CACNA1B: variants seen among roughly 807,000 people sequenced by gnomAD.
CACNA1B encodes the protein voltage-dependent N-type calcium channel subunit alpha-1B.
Under a neutral mutation model 247.2 loss-of-function variants are expected in CACNA1B, and 70 were observed. The observed-to-expected ratio is 0.28, with a 90% CI of 0.23 to 0.35. CACNA1B has a LOEUF of 0.35. Ranked by LOEUF, CACNA1B falls within the 10% of genes least tolerant of loss-of-function variation. CACNA1B has a pLI of 1.00. For synonymous variants in CACNA1B, 1,231 were observed against 1,294.4 expected (o/e 0.95, Z 1.05); for missense variants, 2,367 against 3,197.4 (o/e 0.74, Z 6.26).
Position 138,023,696 on chromosome 9 carries a change from G to T in CACNA1B, c.2953G>T (p.Ala985Ser). 1.3e-6 allele frequency: 2 copies of T among 1,539,088 alleles called. No individual in the cohort carries two copies. Among genetic ancestry groups the T allele is most frequent in the Non-Finnish European group, 1.8e-6 (2 of 1,142,128 alleles). Residue 985 changes from alanine to serine, a missense_variant, in exon 19 of 47, where the codon GCG becomes TCG. By Grantham distance (99) the Ala-to-Ser change is moderately conservative (BLOSUM62 1). Coordinates refer to ENST00000371372, the MANE Select transcript of CACNA1B (RefSeq NM_000718.4). ...GCGGCGGCACCGGGCCCGGCACAAG[G>T]CGCAGCCTGCTCACGAGGCTGTGGA... Reference protein sequence around the residue: ...PARRHRARHKAQPAHEAVEKE... With the variant: ...PARRHRARHKSQPAHEAVEKE...
At chr9:137,930,921 T>A (rs949046924) in intron 6 of CACNA1B, among the ~76,000 whole-genome samples, 1 of 152,224 alleles carries the variant, frequency 6.6e-6, no homozygotes, top group Non-Finnish European at 1.5e-5. Flanking sequence ...TTTAAAAAAA[T>A]TAATCTTTGT....
intron 18 of CACNA1B, among the ~76,000 whole-genome samples, chr9:138,013,625 G>T: frequency 6.6e-6 from 1 of 152,224 alleles, no homozygotes; most frequent in East Asian, 1.9e-4. Flanking sequence ...GATTCTAGGT[G>T]ATACCTGAGC....
intron 15 of CACNA1B, among the ~76,000 whole-genome samples, chr9:137,998,848 G>T (rs1958530697): frequency 6.6e-6 from 1 of 152,176 alleles, no homozygotes; most frequent in Non-Finnish European, 1.5e-5. Flanking sequence ...CAAACTGCAG[G>T]ATGAAACTGA....
In CACNA1B at chr9:138,049,251, C is replaced by T. The variant is rs775540336; in HGVS notation, c.3646C>T (p.Arg1216Trp). 6 of 1,613,742 alleles carry T rather than the reference C, an allele frequency of 3.7e-6. No homozygotes were observed. The highest frequency in any genetic ancestry group is 4.2e-6 in the Non-Finnish European group (5 of 1,179,620). The change falls in exon 24 of 47, where the codon CGG (arginine) becomes TGG (tryptophan). Residue 1216 changes from arginine to tryptophan, a missense_variant. By Grantham distance (101) the Arg-to-Trp change is moderately radical. Coordinates refer to ENST00000371372, the MANE Select transcript of CACNA1B (RefSeq NM_000718.4). ...GCTGCTTCACCCTGGAGCCTATTTC[C>T]GGGACTTGTGGAACATTCTGGACTT... ...GLLLHPGAYF[R>W]DLWNILDFIV... is the part of the protein sequence containing the mutation.
At chr9:137,946,828 AAAAT>A (rs1208973917) in intron 6 of CACNA1B, among the ~76,000 whole-genome samples, 1 of 152,208 alleles carries the variant, frequency 6.6e-6, no homozygotes, top group Admixed American at 6.5e-5. Context: ...AATGAGAAGA[AAAAT>A]AACTCCCAAA....
chr9:138,095,242 ACTC>A, intron 36 of CACNA1B, among the ~76,000 whole-genome samples: 1 of 152,268 alleles, frequency 6.6e-6, no homozygotes, highest in South Asian at 2.1e-4. Flanking sequence ...TATATAAAGA[ACTC>A]CTACACCTCA....
chr9:138,122,433 G>A lies in CACNA1B; in HGVS notation c.*434G>A, dbSNP rs149386928. 3.0e-4 allele frequency: 53 copies of A among 179,506 alleles called. No individual in the cohort carries two copies. Among genetic ancestry groups the A allele is most frequent in the Middle Eastern group, 2.6e-3 (1 of 382 alleles). The allele number at this position is 179,506 out of a possible 1,614,324, so 11.1% of individuals were successfully genotyped here. On this transcript the variant is annotated 3_prime_UTR_variant, in exon 47 of 47. Transcript: ENST00000371372. Reference sequence around the variant, plus strand: ...CCACCTGAAAGTGCGCCGAGACCTCGGGACGGAGGGGATGGGGAGGGGGAC... The same window carrying A: ...CCACCTGAAAGTGCGCCGAGACCTCAGGACGGAGGGGATGGGGAGGGGGAC...
chr9:138,120,435 C>T (rs898764536), intron 45 of CACNA1B, 63 bp downstream of exon 45: 11 of 1,476,130 alleles, frequency 7.5e-6, no homozygotes, highest in East Asian at 5.0e-5. Flanking sequence ...GGGGTCCAAG[C>T]GGCCCATGGG....
Position 137,989,362 on chromosome 9 carries a change from T to C in CACNA1B, c.1974+2508T>C, listed in dbSNP as rs907984779. Among the ~76,000 whole-genome samples, 7 of 152,132 alleles carry C rather than the reference T, an allele frequency of 4.6e-5. No individual in the cohort carries two copies. In the East Asian group the frequency reaches 9.7e-4, roughly 21 times the overall value. ...GTGGTGGGGCTGAGCCAGCTGGGCA[T>C]GGAGGCTTCCTGGAGAGAAGGAAGT... On this transcript the variant is annotated intron_variant, in intron 15 of 46. Transcript: ENST00000371372.
Position 138,052,422 on chromosome 9 carries a change from G to A in CACNA1B, c.3807+234G>A, listed in dbSNP as rs1467875656. ...TAGCCCAGCAGGACCAGGCGGCACA[G>A]GGTTTTTCTTCAGCAGCTGCAGTGC... is the stretch of plus-strand genomic sequence containing the variant. On this transcript the variant is annotated intron_variant, in intron 25 of 46. Transcript: ENST00000371372. The surrounding 1 kb of genome is among the most constrained non-coding windows in gnomAD (Gnocchi z 5.1). Among the ~76,000 whole-genome samples the A allele has an allele frequency of 2.0e-5, 3 of 152,158 alleles. No homozygotes were observed. Among genetic ancestry groups the A allele is most frequent in the African/African-American group, 7.2e-5 (3 of 41,438 alleles).
At chr9:138,036,477 A>AT (rs1275521717) in intron 20 of CACNA1B, among the ~76,000 whole-genome samples, 1 of 152,092 alleles carries the variant, frequency 6.6e-6, no homozygotes, top group Non-Finnish European at 1.5e-5. Flanking sequence ...ATGGTGGTAA[A>AT]TTCTCTTGGC....
Position 137,974,299 on chromosome 9 carries a change from TC to T in CACNA1B, c.1544-1606del, listed in dbSNP as rs1404684307. The stretch of plus-strand genomic sequence containing the variant: ...AGCCCTGCCTGAGGGTCGCTGGGCA[TC>T]CATGCCTCTCACAGGGGGCTCTCGG... On this transcript the variant is annotated intron_variant, in intron 11 of 46. Transcript: ENST00000371372. This position sits in a 1 kb window ranked among gnomAD's most constrained non-coding sequence, Gnocchi z 4.5. 6.6e-6 allele frequency among the ~76,000 whole-genome samples: 1 copy of T among 152,192 alleles called. No homozygotes were observed. Among genetic ancestry groups the T allele is most frequent in the African/African-American group, 2.4e-5 (1 of 41,446 alleles).
intron 3 of CACNA1B, among the ~76,000 whole-genome samples, chr9:137,911,168 G>A (rs1957355611): frequency 6.6e-6 from 1 of 152,130 alleles, no homozygotes; most frequent in Non-Finnish European, 1.5e-5. Context: ...TGACATATAT[G>A]TGGGGGTTTA....
rs191535943 is a variant in CACNA1B at position 138,075,626 on chromosome 9, G to A, written c.4858-193G>A. On this transcript the variant is annotated intron_variant, in intron 34 of 46. Coordinates refer to ENST00000371372, the MANE Select transcript of CACNA1B (RefSeq NM_000718.4). ...AGGTTCAGAGCTGGAGCCGGCACAT[G>A]TGTAGCTACGGAGAGGGCGTCTATA... Among the ~76,000 whole-genome samples the A allele has an allele frequency of 3.0e-3, 453 of 152,340 alleles. 1 individual carries two copies. The highest frequency in any genetic ancestry group is 0.01 in the African/African-American group (423 of 41,584).
At chr9:137,892,137 C>T (rs199652102) in intron 3 of CACNA1B, 8 of 457,032 alleles carry the variant, frequency 1.8e-5, no homozygotes, top group South Asian at 1.2e-4. Context: ...AAAGCCCAGC[C>T]TCTACTGACA....
At chr9:138,094,629 A>T (rs1207186463) in intron 36 of CACNA1B, among the ~76,000 whole-genome samples, 1 of 152,176 alleles carries the variant, frequency 6.6e-6, no homozygotes, top group African/African-American at 2.4e-5. Context: ...TCCAAAGATC[A>T]TCAACAAAAA....
rs769500676 is a variant in CACNA1B, at chr9:138,025,082, C to T, written c.3196C>T (p.Arg1066Cys). ...TGCAGACAATCAGCGGAACGTCACTCGCATGGGCAGTCAGCCCCCAGACCC... is the reference window on the plus strand; with the variant it reads ...TGCAGACAATCAGCGGAACGTCACTTGCATGGGCAGTCAGCCCCCAGACCC... Reference protein sequence around the residue: ...EDADNQRNVTRMGSQPPDPNT... With the variant: ...EDADNQRNVTCMGSQPPDPNT... Residue 1066 changes from arginine (R) to cysteine (C), a missense_variant, in exon 20 of 47, where the codon CGC (arginine) becomes TGC (cysteine). Physicochemically the swap from Arg to Cys is radical, Grantham distance 180. This residue lies in a region of CACNA1B where 631 missense variants were observed against 631.1 expected (regional missense o/e 1.00). Transcript: ENST00000371372. 3.7e-6 allele frequency: 6 copies of T among 1,613,018 alleles called. No homozygotes were observed. Among genetic ancestry groups the T allele is most frequent in the East Asian group, 4.5e-5 (2 of 44,852 alleles).
intron 10 of CACNA1B, among the ~76,000 whole-genome samples, chr9:137,966,783 C>T (rs1958083317): frequency 6.6e-6 from 1 of 152,078 alleles, no homozygotes; most frequent in South Asian, 2.1e-4. Flanking sequence ...CGTGATCCGC[C>T]CGCCTTGGCC....
At chr9:137,892,354 G>A (rs756496661) in intron 3 of CACNA1B, 16 of 456,724 alleles carry the variant, frequency 3.5e-5, no homozygotes, top group South Asian at 2.2e-4. Flanking sequence ...GTGCTGATCC[G>A]ATGGACCCCA....
Sources: gnomAD v4.1 joint callset for allele counts (sites outside exome capture counted in the v4.1 genomes callset) on GRCh38, gnomAD v4.1.1 for gene constraint, gnomAD v4.1.1 regional missense constraint, Gnocchi (gnomAD v3.1) non-coding constraint, MANE v1.5 for transcripts, NCBI Gene and HGNC (gene_info 2026-07-23, HGNC 2026-07-21) for gene names.